The following SNTG1 variants were observed in gnomAD, a reference collection of about 807,000 sequenced individuals.
The protein encoded by SNTG1 is gamma-1-syntrophin.
A neutral mutation model predicts 74.7 loss-of-function variants in SNTG1; 39 were observed. That is an observed-to-expected ratio of 0.52 (90% CI 0.40 to 0.68). The LOEUF (loss-of-function observed/expected upper bound fraction) is 0.68, where lower values mean the gene tolerates loss of function less well. Ranked by LOEUF, SNTG1 falls within the 30% of genes least tolerant of loss-of-function variation. SNTG1 has a pLI of 0.00. For missense variants in SNTG1, 685 were observed against 609.5 expected (o/e 1.12, Z -1.30); for synonymous variants, 254 against 217.1 (o/e 1.17, Z -1.49).
chr8:50,404,079 T>C (rs1587493934), intron 4 of SNTG1, among the ~76,000 whole-genome samples: 1 of 152,104 alleles, frequency 6.6e-6, no homozygotes, highest in Admixed American at 6.6e-5. Context: ...ACACTAAAAT[T>C]AAGCAAGGTT....
chr8:50,051,144 G>C (rs191505614), intron 1 of SNTG1, among the ~76,000 whole-genome samples: 22 of 151,612 alleles, frequency 1.5e-4, no homozygotes, highest in Non-Finnish European at 2.9e-4. Context: ...GTCTAGCCAG[G>C]TTAGTACGGC....
At chr8:50,764,862 C>T (rs2095609676) in intron 18 of SNTG1, among the ~76,000 whole-genome samples, 1 of 151,918 alleles carries the variant, frequency 6.6e-6, no homozygotes, top group South Asian at 2.1e-4. Flanking sequence ...CAATAGCCAA[C>T]ACACAGAATC....
At chr8:50,045,552 A>G (rs991903392) in intron 1 of SNTG1, among the ~76,000 whole-genome samples, 1 of 152,046 alleles carries the variant, frequency 6.6e-6, no homozygotes, top group African/African-American at 2.4e-5. Context: ...TTTAGGGGGG[A>G]CAACATCTAA....
chr8:50,355,406 A>G (rs940292547), intron 2 of SNTG1, among the ~76,000 whole-genome samples: 4 of 152,156 alleles, frequency 2.6e-5, no homozygotes, highest in Admixed American at 1.3e-4. Context: ...AAGATCTCCT[A>G]ATGTTCTCCT....
chr8:50,218,729 G>T (rs1203325021), intron 2 of SNTG1, among the ~76,000 whole-genome samples: 1 of 152,068 alleles, frequency 6.6e-6, no homozygotes, highest in Non-Finnish European at 1.5e-5. Context: ...TCTAATTCCA[G>T]CAATGTAGAA....
chr8:50,445,199 A>G (rs1174241823), intron 5 of SNTG1, among the ~76,000 whole-genome samples: 1 of 152,230 alleles, frequency 6.6e-6, no homozygotes, highest in Non-Finnish European at 1.5e-5. Flanking sequence ...GATAGCATCC[A>G]GAAGGATGAT....
chr8:50,376,746 T>A (rs1222636029), intron 2 of SNTG1, among the ~76,000 whole-genome samples: 1 of 111,060 alleles, frequency 9.0e-6, no homozygotes, highest in East Asian at 2.5e-4. Context: ...TATATATATA[T>A]ATATATATAT....
intron 13 of SNTG1, among the ~76,000 whole-genome samples, chr8:50,633,700 G>C (rs906877802): frequency 6.6e-6 from 1 of 152,144 alleles, no homozygotes. Context: ...ACGAGCTGGG[G>C]AACTTTGTGT....
chr8:50,567,856 C>T (rs2130735432), intron 12 of SNTG1, among the ~76,000 whole-genome samples: 1 of 152,158 alleles, frequency 6.6e-6, no homozygotes, highest in Non-Finnish European at 1.5e-5. Context: ...GTTTTAATAA[C>T]ATTCAAAATC....
intron 2 of SNTG1, among the ~76,000 whole-genome samples, chr8:50,203,780 CTG>C (rs138161740): frequency 0.017 from 2,612 of 149,286 alleles, 70 homozygotes; most frequent in African/African-American, 0.054. Context: ...GTGTGTGTTT[CTG>C]TGTGTGTGTG....
chr8:50,061,388 T>C (rs1352187802), intron 1 of SNTG1, among the ~76,000 whole-genome samples: 1 of 152,102 alleles, frequency 6.6e-6, no homozygotes, highest in African/African-American at 2.4e-5. Flanking sequence ...ATTCCTAATA[T>C]TGGTCATTCG....
At chr8:50,636,168 C>A (rs2095038023) in intron 13 of SNTG1, among the ~76,000 whole-genome samples, 1 of 150,760 alleles carries the variant, frequency 6.6e-6, no homozygotes, top group South Asian at 2.1e-4. Context: ...AAGACAAAGT[C>A]CTCTTTACTC....
chr8:50,267,718 T>C (rs2087555640), intron 2 of SNTG1, among the ~76,000 whole-genome samples: 1 of 152,166 alleles, frequency 6.6e-6, no homozygotes, highest in Admixed American at 6.5e-5. Flanking sequence ...GTAGTATCAT[T>C]TGATGCAGAA....
intron 18 of SNTG1, among the ~76,000 whole-genome samples, chr8:50,766,421 G>T (rs1585741720): frequency 6.6e-6 from 1 of 151,972 alleles, no homozygotes; most frequent in African/African-American, 2.4e-5. Context: ...ATAATTGAAG[G>T]CTATCATTTT....
chr8:50,546,831 G>A (rs1242637093), intron 11 of SNTG1, among the ~76,000 whole-genome samples: 1 of 152,086 alleles, frequency 6.6e-6, no homozygotes, highest in African/African-American at 2.4e-5. Context: ...ACCCAGGCTG[G>A]AGTGCAGTGG....
intron 18 of SNTG1, among the ~76,000 whole-genome samples, chr8:50,757,992 A>G (rs188104103): frequency 6.9e-4 from 105 of 151,980 alleles, no homozygotes; most frequent in Non-Finnish European, 1.1e-3. Context: ...CCTTCCTTCT[A>G]TTATTGTTGT....
At chr8:50,557,202 G>A (rs542665477) in intron 12 of SNTG1, among the ~76,000 whole-genome samples, 2 of 149,928 alleles carry the variant, frequency 1.3e-5, no homozygotes, top group Admixed American at 1.3e-4. Context: ...GGTAGAGGTT[G>A]GAGAGTAGGG....
intron 2 of SNTG1, among the ~76,000 whole-genome samples, chr8:50,386,097 C>T (rs2092569886): frequency 6.6e-6 from 1 of 152,168 alleles, no homozygotes; most frequent in African/African-American, 2.4e-5. Context: ...ATAGCAACAG[C>T]TCTCACTCCA....
At chr8:50,670,971 G>A (rs2095278852) in intron 15 of SNTG1, among the ~76,000 whole-genome samples, 1 of 150,640 alleles carries the variant, frequency 6.6e-6, no homozygotes, top group South Asian at 2.1e-4. Flanking sequence ...AAATGGTGCT[G>A]GGAAAACTGG....
Sources: gnomAD v4.1 joint callset for allele counts (sites outside exome capture counted in the v4.1 genomes callset) on GRCh38, gnomAD v4.1.1 for gene constraint, MANE v1.5 for transcripts, NCBI Gene and HGNC (gene_info 2026-07-23, HGNC 2026-07-21) for gene names.